The following DCC variants were observed in gnomAD, a reference collection of about 807,000 sequenced individuals.
DCC encodes netrin receptor DCC.
DCC carries 58 observed loss-of-function variants against 172.5 expected under a neutral mutation model. That is an observed-to-expected ratio of 0.34 (90% CI 0.27 to 0.42). DCC has a LOEUF of 0.42. Ranked by LOEUF, DCC falls within the 10% of genes least tolerant of loss-of-function variation. The pLI is 1.00. For missense variants in DCC, 1,740 were observed against 1,791.0 expected (o/e 0.97, Z 0.51); for synonymous variants, 709 against 644.5 (o/e 1.10, Z -1.52).
At chr18:52,429,911 A>G (rs541806642) in intron 1 of DCC, among the ~76,000 whole-genome samples, 1 of 152,292 alleles carries the variant, frequency 6.6e-6, no homozygotes, top group African/African-American at 2.4e-5. Flanking sequence ...TTGGGGCTAC[A>G]GAGAAATAAT....
chr18:52,772,169 A>G (rs1295714910), intron 2 of DCC, among the ~76,000 whole-genome samples: 1 of 152,178 alleles, frequency 6.6e-6, no homozygotes, highest in Non-Finnish European at 1.5e-5. Flanking sequence ...GTCATGACAA[A>G]CACTTAGGTA....
At chr18:52,562,701 G>A (rs893732761) in intron 1 of DCC, among the ~76,000 whole-genome samples, 1 of 152,024 alleles carries the variant, frequency 6.6e-6, no homozygotes, top group Non-Finnish European at 1.5e-5. Flanking sequence ...AATATTGTCA[G>A]TTGTATGAAA....
At chr18:53,346,767 G>T (rs561277427) in intron 15 of DCC, among the ~76,000 whole-genome samples, 3 of 151,988 alleles carry the variant, frequency 2.0e-5, no homozygotes, top group Non-Finnish European at 4.4e-5. Context: ...CACCATTTGG[G>T]TTGGGCATCT....
intron 1 of DCC, among the ~76,000 whole-genome samples, chr18:52,408,773 T>G (rs1303337655): frequency 6.6e-6 from 1 of 152,182 alleles, no homozygotes; most frequent in Non-Finnish European, 1.5e-5. Context: ...CTATTAGATT[T>G]TCTTTCATTT....
At chr18:52,983,509 G>A (rs933740125) in intron 5 of DCC, among the ~76,000 whole-genome samples, 1 of 152,132 alleles carries the variant, frequency 6.6e-6, no homozygotes, top group Non-Finnish European at 1.5e-5. Context: ...AGGATTGATT[G>A]CTATAAATTG....
chr18:52,487,960 C>G (rs958656894), intron 1 of DCC, among the ~76,000 whole-genome samples: 1 of 151,932 alleles, frequency 6.6e-6, no homozygotes, highest in Non-Finnish European at 1.5e-5. Context: ...TGCCTGAGAT[C>G]TTTCCTAAGC....
chr18:53,529,785 T>A (rs2046504991), intron 28 of DCC, among the ~76,000 whole-genome samples: 1 of 152,196 alleles, frequency 6.6e-6, no homozygotes, highest in African/African-American at 2.4e-5. Flanking sequence ...AGCGACCTGG[T>A]ATTTGTGGTA....
chr18:53,529,028 TCTCTCTCTCTCACACACACA>T (rs2046493000), intron 28 of DCC, among the ~76,000 whole-genome samples: 1 of 65,390 alleles, frequency 1.5e-5, no homozygotes, highest in African/African-American at 7.8e-5. Context: ...TCTCTCTCTC[TCTCTCTCTCTCACACACACA>T]CACACACACA....
At chr18:53,038,133 G>C (rs1373965202) in intron 5 of DCC, among the ~76,000 whole-genome samples, 1 of 151,882 alleles carries the variant, frequency 6.6e-6, no homozygotes, top group Non-Finnish European at 1.5e-5. Context: ...CAAATACTGA[G>C]TAACTATTTA....
rs571991718 is a variant in DCC, at chr18:53,261,233, C to G, written c.1912-44345C>G. ...TCCTGCACCCACTGCCTGACACTCC[C>G]CAGTGAGATGAACCCGGTACCTCAG... is the stretch of plus-strand genomic sequence containing the variant. On this transcript the variant is annotated intron_variant, in intron 12 of 28. Coordinates refer to ENST00000442544, the MANE Select transcript of DCC (RefSeq NM_005215.4). 9.8e-5 allele frequency among the ~76,000 whole-genome samples: 15 copies of G among 152,288 alleles called. No homozygotes were observed. In the South Asian group the frequency reaches 3.1e-3, roughly 32 times the overall value.
At chr18:52,451,259 A>G (rs1457240571) in intron 1 of DCC, among the ~76,000 whole-genome samples, 2 of 152,186 alleles carry the variant, frequency 1.3e-5, no homozygotes, top group Admixed American at 6.5e-5. Flanking sequence ...CTTATTTTAC[A>G]CAGAAATACA....
intron 12 of DCC, among the ~76,000 whole-genome samples, chr18:53,272,093 T>C (rs2056755644): frequency 6.6e-6 from 1 of 152,100 alleles, no homozygotes; most frequent in African/African-American, 2.4e-5. Flanking sequence ...GTTAAGAAAC[T>C]TAGTATTTTG....
At chr18:52,423,786 A>G (rs1987331687) in intron 1 of DCC, among the ~76,000 whole-genome samples, 1 of 152,156 alleles carries the variant, frequency 6.6e-6, no homozygotes, top group Non-Finnish European at 1.5e-5. Flanking sequence ...GTATTTTGGG[A>G]CAGAACCACA....
At chr18:53,356,353 A>T (rs1440150985) in intron 15 of DCC, among the ~76,000 whole-genome samples, 1 of 151,888 alleles carries the variant, frequency 6.6e-6, no homozygotes, top group East Asian at 1.9e-4. Flanking sequence ...TTTTTTCTTC[A>T]TTATGAGTTG....
intron 7 of DCC, among the ~76,000 whole-genome samples, chr18:53,148,494 C>A (rs1427593543): frequency 4.6e-5 from 7 of 151,934 alleles, no homozygotes; most frequent in Non-Finnish European, 1.0e-4. Flanking sequence ...AAGCGAGCTG[C>A]AATTGGGTAG....
chr18:53,257,347 G>C (rs1053603189), intron 12 of DCC, among the ~76,000 whole-genome samples: 1 of 152,142 alleles, frequency 6.6e-6, no homozygotes, highest in Non-Finnish European at 1.5e-5. Flanking sequence ...TTGGCTGTGG[G>C]TTTGTCATAG....
chr18:53,040,091 G>T (rs979745204), intron 5 of DCC, among the ~76,000 whole-genome samples: 6 of 151,916 alleles, frequency 3.9e-5, no homozygotes, highest in Non-Finnish European at 7.4e-5. Context: ...CTGATTAAAT[G>T]CAGGGTGTGA....
intron 1 of DCC, among the ~76,000 whole-genome samples, chr18:52,476,636 A>G (rs1459555029): frequency 6.6e-6 from 1 of 152,164 alleles, no homozygotes; most frequent in African/African-American, 2.4e-5. Context: ...CCTTGAATGA[A>G]CAAGATTCCC....
Position 53,530,548 on chromosome 18 carries a change from C to T in DCC, c.4255-16C>T, listed in dbSNP as rs767629087. The stretch of plus-strand genomic sequence containing the variant: ...CAATATTTGTTACTAACTCTTGGCT[C>T]TCATTCTCTTTATAGGTGTATGAAC... On this transcript the variant is annotated splice_polypyrimidine_tract_variant and intron_variant, in intron 28 of 28. Coordinates refer to ENST00000442544, the MANE Select transcript of DCC (RefSeq NM_005215.4). 2 of 1,376,140 alleles carry T rather than the reference C, an allele frequency of 1.5e-6. No individual in the cohort carries two copies. The highest frequency in any genetic ancestry group is 1.2e-5 in the South Asian group (1 of 86,336). 85.2% of individuals were successfully genotyped at this position (1,376,140 alleles called of 1,614,324 possible).
Sources: allele counts gnomAD v4.1 joint callset (sites outside exome capture counted in the v4.1 genomes callset), GRCh38; gene constraint gnomAD v4.1.1; transcripts MANE v1.5; gene names NCBI Gene and HGNC (gene_info 2026-07-23, HGNC 2026-07-21).